The following PRAMEF9 variants were observed in gnomAD, a reference collection of about 807,000 sequenced individuals.
PRAMEF9 encodes the protein PRAME family member 9.
Under a neutral mutation model 10.9 loss-of-function variants are expected in PRAMEF9, and 1 was observed. The observed-to-expected ratio is 0.09, with a 90% CI of 0.03 to 0.44. The LOEUF (loss-of-function observed/expected upper bound fraction) is 0.44, where lower values mean the gene tolerates loss of function less well. Ranked by LOEUF, PRAMEF9 falls within the 20% of genes least tolerant of loss-of-function variation. PRAMEF9 has a pLI of 0.97. For synonymous variants in PRAMEF9, 40 were observed against 148.3 expected (o/e 0.27, Z 5.31); for missense variants, 126 against 379.8 (o/e 0.33, Z 5.55).
rs782382367 is a variant in PRAMEF9 at position 13,178,981 on chromosome 1, G to C, written c.1286G>C (p.Cys429Ser). ...AGTTATGGTGCTGATGGTACTCTCT[G>C]CTGGAGCAGATTTGCTCAAATTAGG... ...RESYGADGTL[C>S]WSRFAQIRAE... The change falls in exon 4 of 4, where the codon TGC becomes TCC. Residue 429 changes from cysteine to serine, a missense_variant. By Grantham distance (112) the Cys-to-Ser change is moderately radical (BLOSUM62 -1). Coordinates refer to ENST00000415919, the MANE Select transcript of PRAMEF9 (RefSeq NM_001010890.3). 1.3e-6 allele frequency: 2 copies of C among 1,540,702 alleles called. No individual in the cohort carries two copies. The highest frequency in any genetic ancestry group is 2.2e-5 in the South Asian group (2 of 89,064).
chr1:13,178,991 A>G lies in PRAMEF9; in HGVS notation c.1296A>G (p.Arg432=), dbSNP rs782621873. 1.0e-5 allele frequency: 16 copies of G among 1,540,928 alleles called. No individual in the cohort carries two copies. The African/African-American group carries it at 1.6e-4, about 16-fold the overall frequency. Residue 432 remains arginine, a synonymous_variant, in exon 4 of 4, where the codon AGA becomes AGG. Transcript: ENST00000415919. ...CTGATGGTACTCTCTGCTGGAGCAGATTTGCTCAAATTAGGGCTGAGCTGA... is the reference window on the plus strand; with the variant it reads ...CTGATGGTACTCTCTGCTGGAGCAGGTTTGCTCAAATTAGGGCTGAGCTGA... ...YGADGTLCWS[R]FAQIRAELMN... is the part of the protein sequence containing the mutation.
At position 13,172,568 on chromosome 1, in the gene PRAMEF9, GAC is replaced by G. The variant is rs1638337683; in HGVS notation, c.-17+37_-17+38del. The G allele has an allele frequency of 2.1e-5, 3 of 140,026 alleles. No individual in the cohort carries two copies. In the East Asian group the frequency reaches 7.3e-4, roughly 34 times the overall value. The allele number at this position is 140,026 out of a possible 1,614,324, so 8.7% of individuals were successfully genotyped here. On this transcript the variant is annotated intron_variant, in intron 1 of 3. Transcript: ENST00000415919. ...AATTTCTGTAAGGACACTCCCATCT[GAC>G]CTACAGTCAGTCAGTCTGGGATGGT...
In PRAMEF9 at chr1:13,179,079, G is replaced by T. The variant is rs782257362; in HGVS notation, c.1384G>T (p.Asp462Tyr). The T allele has an allele frequency of 5.6e-5, 87 of 1,541,276 alleles. 14 individuals carry two copies. The highest frequency in any genetic ancestry group is 7.6e-5 in the Non-Finnish European group (85 of 1,122,756). ...RIFFCIDNCP[D>Y]CGNRSFYDLE... ...CTTTTTCTGTATTGACAACTGCCCT[G>T]ACTGTGGCAACAGGTCATTTTATGA... is the stretch of plus-strand genomic sequence containing the variant. The change falls in exon 4 of 4, where the codon GAC (aspartate) becomes TAC (tyrosine). Residue 462 changes from aspartate (D) to tyrosine (Y), a missense_variant. Transcript: ENST00000415919.
rs1434337128 is a variant in PRAMEF9 at position 13,171,871 on chromosome 1, TC to T, written c.-677del. ...AATGTAGTTCTCTCTCTCTCTTTTT[TC>T]TTTTTCTTTTTTTTTTTTTTTTTTT... On this transcript the variant is annotated 5_prime_UTR_variant, in exon 1 of 4. Coordinates refer to ENST00000415919, the MANE Select transcript of PRAMEF9 (RefSeq NM_001010890.3). The T allele has an allele frequency of 1.2e-5, 1 of 80,770 alleles. No homozygotes were observed. The highest frequency in any genetic ancestry group is 3.1e-5 in the Non-Finnish European group (1 of 32,146). 5.0% of individuals were successfully genotyped at this position (80,770 alleles called of 1,614,324 possible).
chr1:13,178,918 A>C lies in PRAMEF9; in HGVS notation c.1223A>C (p.Lys408Thr). The change falls in exon 4 of 4, where the codon AAA (lysine) becomes ACA (threonine). Residue 408 changes from lysine to threonine, a missense_variant. By Grantham distance (78) the Lys-to-Thr change is moderately conservative. Coordinates refer to ENST00000415919, the MANE Select transcript of PRAMEF9 (RefSeq NM_001010890.3). ...CTGCTGAGCCACACAATCATACTCA[A>C]AAACTTATGCGTGGAGGTGTATCCT... ...ENLLSHTIIL[K>T]NLCVEVYPAP... is the part of the protein sequence containing the mutation. The C allele has an allele frequency of 6.6e-7, 1 of 1,524,000 alleles. No individual in the cohort carries two copies. Among genetic ancestry groups the C allele is most frequent in the East Asian group, 2.4e-5 (1 of 41,598 alleles). The allele number at this position is 1,524,000 out of a possible 1,614,324, so 94.4% of individuals were successfully genotyped here.
intron 1 of PRAMEF9, 139 bp downstream of exon 1, chr1:13,172,671 G>A (rs1327229113): frequency 3.0e-5 from 4 of 133,130 alleles, no homozygotes; most frequent in African/African-American, 9.9e-5. Context: ...TTGAAGCTTT[G>A]AATGTTTTCC....
At position 13,171,859 on chromosome 1, in the gene PRAMEF9, C is replaced by A. The variant is rs1638318087; in HGVS notation, c.-690C>A. The A allele has an allele frequency of 7.3e-6, 1 of 137,084 alleles. No homozygotes were observed. Among genetic ancestry groups the A allele is most frequent in the Non-Finnish European group, 1.6e-5 (1 of 61,138 alleles). 8.5% of individuals were successfully genotyped at this position (137,084 alleles called of 1,614,324 possible). On this transcript the variant is annotated 5_prime_UTR_variant, in exon 1 of 4. Transcript: ENST00000415919. The stretch of plus-strand genomic sequence containing the variant: ...GAAGTGGAATCAAATGTAGTTCTCT[C>A]TCTCTCTTTTTTCTTTTTCTTTTTT...
intron 3 of PRAMEF9, chr1:13,178,078 AT>A (rs71279200): frequency 1.0e-4 from 3 of 29,014 alleles, no homozygotes; most frequent in African/African-American, 2.2e-4. Flanking sequence ...AAATGGAATT[AT>A]TTTTTTTCCT....
chr1:13,175,123 C>T, intron 1 of PRAMEF9, 142 bp from the exon 2 acceptor site: 6 of 990,086 alleles, frequency 6.1e-6, no homozygotes, highest in African/African-American at 4.5e-5. Flanking sequence ...GGCTTAATGG[C>T]CACTGAGTAC....
rs1638406994 is a variant in PRAMEF9, at chr1:13,177,804, CAG to C, written c.876-764_876-763del. The C allele has an allele frequency of 3.5e-5, 2 of 57,560 alleles. 1 individual carries two copies. Among genetic ancestry groups the C allele is most frequent in the African/African-American group, 7.6e-5 (2 of 26,166 alleles). 3.6% of individuals were successfully genotyped at this position (57,560 alleles called of 1,614,324 possible). A position where few individuals can be genotyped will look rare whatever the true frequency, so the allele number is the denominator to read the frequency against. ...ACCTAAGCAATGCATGATTCTGAAA[CAG>C]AGGGTCAGGGAGCAGGCACAAAGAA... On this transcript the variant is annotated intron_variant, in intron 3 of 3. Transcript: ENST00000415919.
rs782731772 is a variant in PRAMEF9 at position 13,179,101 on chromosome 1, A to G, written c.1406A>G (p.Tyr469Cys). The G allele has an allele frequency of 6.5e-7, 1 of 1,540,894 alleles. No individual in the cohort carries two copies. Among genetic ancestry groups the G allele is most frequent in the African/African-American group, 1.3e-5 (1 of 74,204 alleles). ...CCTGACTGTGGCAACAGGTCATTTT[A>G]TGACCTGGAGGCAGATCAATACTGC... ...NCPDCGNRSF[Y>C]DLEADQYCC is the part of the protein sequence containing the mutation. Residue 469 changes from tyrosine (Y) to cysteine (C), a missense_variant, in exon 4 of 4, where the codon TAT becomes TGT. Transcript: ENST00000415919.
At chr1:13,175,904 T>TA (rs1638380524) in intron 2 of PRAMEF9, 1 of 330,908 alleles carries the variant, frequency 3.0e-6, no homozygotes, top group African/African-American at 2.3e-5. Context: ...CCAACTCTAC[T>TA]AAAAATACTA....
chr1:13,172,465 T>A lies in PRAMEF9; in HGVS notation c.-84T>A, dbSNP rs1364030902. On this transcript the variant is annotated 5_prime_UTR_variant, in exon 1 of 4. Coordinates refer to ENST00000415919, the MANE Select transcript of PRAMEF9 (RefSeq NM_001010890.3). Reference sequence around the variant, plus strand: ...AGACCCACAGGAGAGACCCAAAGTCTTCAAGCCTGGAGTTCCTGCTTGGTT... The same window carrying A: ...AGACCCACAGGAGAGACCCAAAGTCATCAAGCCTGGAGTTCCTGCTTGGTT... 1 of 142,040 alleles carries A rather than the reference T, an allele frequency of 7.0e-6. No individual in the cohort carries two copies. The highest frequency in any genetic ancestry group is 7.3e-5 in the Admixed American group (1 of 13,774). The allele number at this position is 142,040 out of a possible 1,614,324, so 8.8% of individuals were successfully genotyped here. A position where few individuals can be genotyped will look rare whatever the true frequency, so the allele number is the denominator to read the frequency against.
At chr1:13,172,640 T>TCA (rs1553184704) in intron 1 of PRAMEF9, 108 bp downstream of exon 1, 2 of 135,450 alleles carry the variant, frequency 1.5e-5, no homozygotes, top group South Asian at 4.7e-4. Flanking sequence ...CTGTCCTTTT[T>TCA]TATATATATA....
At position 13,179,072 on chromosome 1, in the gene PRAMEF9, C is replaced by T. The variant is rs782173362; in HGVS notation, c.1377C>T (p.Asn459=). 9 of 1,541,400 alleles carry T rather than the reference C, an allele frequency of 5.8e-6. 2 individuals carry two copies. Among genetic ancestry groups the T allele is most frequent in the African/African-American group, 1.3e-5 (1 of 74,248 alleles). Residue 459 remains asparagine, a synonymous_variant, in exon 4 of 4, where the codon AAC becomes AAT. Coordinates refer to ENST00000415919, the MANE Select transcript of PRAMEF9 (RefSeq NM_001010890.3). ...HPKRIFFCID[N]CPDCGNRSFY... Reference sequence around the variant, plus strand: ...AGAGGATCTTTTTCTGTATTGACAACTGCCCTGACTGTGGCAACAGGTCAT... The same window carrying T: ...AGAGGATCTTTTTCTGTATTGACAATTGCCCTGACTGTGGCAACAGGTCAT...
chr1:13,175,243 C>G, intron 1 of PRAMEF9, 22 bp from the exon 2 acceptor site: 1 of 1,441,526 alleles, frequency 6.9e-7, no homozygotes, highest in Non-Finnish European at 9.6e-7. Flanking sequence ...GATGCCTTTT[C>G]TCTGGGTTTG....
At chr1:13,172,840 C>T (rs1638343131) in intron 1 of PRAMEF9, 1 of 141,264 alleles carries the variant, frequency 7.1e-6, no homozygotes, top group African/African-American at 2.5e-5. Context: ...TGAGACCAAC[C>T]TGGGCAACAT....
intron 1 of PRAMEF9, chr1:13,172,770 T>C (rs1242057719): frequency 3.5e-5 from 5 of 141,182 alleles, no homozygotes; most frequent in South Asian, 4.5e-4. Context: ...CAGTGACTCA[T>C]GCCTTTAACC....
At position 13,175,576 on chromosome 1, in the gene PRAMEF9, GAGGTGGCCC is replaced by G. The variant is rs1638373444; in HGVS notation, c.293+10_293+18del. ...CTTACCCAAGGGGTTTGTCCCAGGT[GAGGTGGCCC>G]AGGTGGGCTGGTGGGGAGGGCCCAG... is the stretch of plus-strand genomic sequence containing the variant. On this transcript the variant is annotated splice_donor_5th_base_variant and intron_variant, in intron 2 of 3. Coordinates refer to ENST00000415919, the MANE Select transcript of PRAMEF9 (RefSeq NM_001010890.3). 6.5e-7 allele frequency: 1 copy of G among 1,530,340 alleles called. No individual in the cohort carries two copies. The highest frequency in any genetic ancestry group is 9.0e-7 in the Non-Finnish European group (1 of 1,116,994). The allele number at this position is 1,530,340 out of a possible 1,614,324, so 94.8% of individuals were successfully genotyped here.
Sources: allele counts gnomAD v4.1 joint callset, GRCh38; gene constraint gnomAD v4.1.1; transcripts MANE v1.5; gene names NCBI Gene and HGNC (gene_info 2026-07-23, HGNC 2026-07-21).